SLC25A31: variants seen among roughly 807,000 people sequenced by gnomAD.
SLC25A31 encodes ADP/ATP translocase 4.
SLC25A31 carries 40 observed loss-of-function variants against 36.2 expected under a neutral mutation model. The observed-to-expected ratio is 1.10, with a 90% CI of 0.86 to 1.44. SLC25A31 has a LOEUF of 1.44. Among genes scored for constraint, SLC25A31 ranks in the 40% most tolerant of loss-of-function variants. SLC25A31 has a pLI of 0.00. For missense variants in SLC25A31, 350 were observed against 397.1 expected, an observed-to-expected ratio of 0.88 and a Z score of 1.01; for synonymous variants, 143 against 149.7, an observed-to-expected ratio of 0.96 and a Z score of 0.32.
At chr4:127,752,183 T>G (rs1393902325) in intron 2 of SLC25A31, among the ~76,000 whole-genome samples, 1 of 152,128 alleles carries the variant, frequency 6.6e-6, no homozygotes, top group South Asian at 2.1e-4. Context: ...TGTCCATCAG[T>G]GATAGACTGG....
At chr4:127,739,110 T>G (rs1731687434) in intron 1 of SLC25A31, among the ~76,000 whole-genome samples, 1 of 152,206 alleles carries the variant, frequency 6.6e-6, no homozygotes, top group African/African-American at 2.4e-5. Context: ...AGGTTAATAT[T>G]TGATATATGA....
chr4:127,763,785 G>C (rs1218178359), intron 2 of SLC25A31, among the ~76,000 whole-genome samples: 1 of 152,124 alleles, frequency 6.6e-6, no homozygotes, highest in Non-Finnish European at 1.5e-5. Context: ...GGTGCAAAAA[G>C]TAATTGCAGT....
chr4:127,761,007 C>G (rs550133347), intron 2 of SLC25A31, among the ~76,000 whole-genome samples: 1 of 124,302 alleles, frequency 8.0e-6, no homozygotes. Flanking sequence ...CTCACTTATA[C>G]TTATATACAT....
chr4:127,731,759 C>A, intron 1 of SLC25A31, among the ~76,000 whole-genome samples: 1 of 151,998 alleles, frequency 6.6e-6, no homozygotes, highest in East Asian at 1.9e-4. Flanking sequence ...GAGCTGTTCT[C>A]CTTTCTCTTT....
At chr4:127,755,073 G>A (rs1386946966) in intron 2 of SLC25A31, among the ~76,000 whole-genome samples, 1 of 152,172 alleles carries the variant, frequency 6.6e-6, no homozygotes, top group Non-Finnish European at 1.5e-5. Context: ...AAGTGGTATT[G>A]ACAAAAGGGA....
rs140471448 is a variant in SLC25A31, at chr4:127,732,462, C to A, written c.232+1685C>A. Among the ~76,000 whole-genome samples, 371 of 152,262 alleles carry A rather than the reference C, an allele frequency of 2.4e-3. 1 individual carries two copies. The highest frequency in any genetic ancestry group is 0.012 in the South Asian group (56 of 4,824). ...AGATTTTTTCAGGAAAAGCAAGGAA[C>A]CTGTCTCTTCTTCGTTTATATTCTA... is the stretch of plus-strand genomic sequence containing the variant. On this transcript the variant is annotated intron_variant, in intron 1 of 5. Coordinates refer to ENST00000281154, the MANE Select transcript of SLC25A31 (RefSeq NM_031291.4).
intron 2 of SLC25A31, among the ~76,000 whole-genome samples, chr4:127,752,925 A>T (rs1336223047): frequency 2.0e-5 from 3 of 152,234 alleles, no homozygotes; most frequent in Non-Finnish European, 4.4e-5. Flanking sequence ...CATTCTATCC[A>T]AAACCTGCAG....
chr4:127,768,905 A>G, intron 5 of SLC25A31, 28 bp downstream of exon 5: 1 of 1,553,996 alleles, frequency 6.4e-7, no homozygotes, highest in Non-Finnish European at 8.6e-7. Context: ...TTCTAAGCTT[A>G]GTTGAGTTTT....
Position 127,773,692 on chromosome 4 carries a change from C to T in SLC25A31, c.*118C>T. 1 of 761,384 alleles carries T rather than the reference C, an allele frequency of 1.3e-6. No homozygotes were observed. The highest frequency in any genetic ancestry group is 1.9e-6 in the Non-Finnish European group (1 of 521,720). 47.2% of individuals were successfully genotyped at this position (761,384 alleles called of 1,614,324 possible). ...TCTGTATTTTGTTAAAGTGCTAGTT[C>T]TGCAATAAAGCATACATTTTTTCAA... is the stretch of plus-strand genomic sequence containing the variant. On this transcript the variant is annotated 3_prime_UTR_variant, in exon 6 of 6. Coordinates refer to ENST00000281154, the MANE Select transcript of SLC25A31 (RefSeq NM_031291.4).
intron 3 of SLC25A31, among the ~76,000 whole-genome samples, chr4:127,766,160 T>G (rs988501606): frequency 2.3e-4 from 35 of 151,676 alleles, no homozygotes; most frequent in African/African-American, 6.3e-4. Flanking sequence ...TTGTTTTTTT[T>G]TTTGTTTTTT....
chr4:127,766,914 T>C, intron 3 of SLC25A31, 152 bp from the exon 4 acceptor site: 1 of 553,198 alleles, frequency 1.8e-6, no homozygotes, highest in South Asian at 5.4e-5. Context: ...CTTGATTATC[T>C]GTAAAAGAAT....
intron 2 of SLC25A31, among the ~76,000 whole-genome samples, chr4:127,756,995 A>G (rs1732043228): frequency 6.6e-6 from 1 of 152,226 alleles, no homozygotes; most frequent in Admixed American, 6.5e-5. Flanking sequence ...ATTTATGTTC[A>G]TACAAAAACC....
Position 127,767,190 on chromosome 4 carries a change from C to T in SLC25A31, c.603C>T (p.Ala201=). The T allele has an allele frequency of 6.2e-7, 1 of 1,604,654 alleles. No individual in the cohort carries two copies. The highest frequency in any genetic ancestry group is 8.5e-7 in the Non-Finnish European group (1 of 1,175,458). ...TACAGGGCATCATTGTGTACCGAGCCTCTTATTTTGGAGCTTATGACACAG... is the reference window on the plus strand; with the variant it reads ...TACAGGGCATCATTGTGTACCGAGCTTCTTATTTTGGAGCTTATGACACAG... ...VSVQGIIVYR[A]SYFGAYDTVK... Residue 201 remains alanine (A), a synonymous_variant, in exon 4 of 6, where the codon GCC becomes GCT. Transcript: ENST00000281154.
intron 2 of SLC25A31, among the ~76,000 whole-genome samples, chr4:127,750,308 T>A (rs1273140196): frequency 6.6e-6 from 1 of 152,198 alleles, no homozygotes; most frequent in African/African-American, 2.4e-5. Context: ...AACTCATAAG[T>A]GGAAAATATT....
chr4:127,731,186 G>C (rs1320531866), intron 1 of SLC25A31, among the ~76,000 whole-genome samples: 1 of 152,160 alleles, frequency 6.6e-6, no homozygotes, highest in Non-Finnish European at 1.5e-5. Context: ...TCCAGCATGG[G>C]CGACAGAGGA....
chr4:127,756,959 T>C (rs1040322636), intron 2 of SLC25A31, among the ~76,000 whole-genome samples: 6 of 152,132 alleles, frequency 3.9e-5, no homozygotes, highest in African/African-American at 1.4e-4. Context: ...CACTTTTGGG[T>C]GGGCATTTAT....
chr4:127,750,719 G>A (rs1731914665), intron 2 of SLC25A31, among the ~76,000 whole-genome samples: 1 of 151,596 alleles, frequency 6.6e-6, no homozygotes, highest in Non-Finnish European at 1.5e-5. Context: ...TTTTATGTGA[G>A]CCCCATGATA....
At chr4:127,757,731 T>C (rs1732056405) in intron 2 of SLC25A31, among the ~76,000 whole-genome samples, 1 of 152,212 alleles carries the variant, frequency 6.6e-6, no homozygotes, top group African/African-American at 2.4e-5. Flanking sequence ...GTTGAACTAA[T>C]TTACATTCCC....
intron 2 of SLC25A31, among the ~76,000 whole-genome samples, chr4:127,749,992 A>G (rs1316002900): frequency 6.6e-6 from 1 of 152,236 alleles, no homozygotes; most frequent in Non-Finnish European, 1.5e-5. Flanking sequence ...TGAACTTCTT[A>G]AAGGAAACCT....
Sources: allele counts gnomAD v4.1 joint callset (sites outside exome capture counted in the v4.1 genomes callset), GRCh38; gene constraint gnomAD v4.1.1; transcripts MANE v1.5; gene names NCBI Gene and HGNC (gene_info 2026-07-23, HGNC 2026-07-21).